The following CNR2 variants were observed in gnomAD, a reference collection of about 807,000 sequenced individuals.
The protein encoded by CNR2 is cannabinoid receptor 2 (macrophage).
For missense variants in CNR2, 379 were observed against 439.9 expected (o/e 0.86, Z 1.24); for synonymous variants, 172 against 182.2 (o/e 0.94, Z 0.45).
intron 1 of CNR2, among the ~76,000 whole-genome samples, chr1:23,879,611 TCAAACA>T (rs1026520503): frequency 1.3e-5 from 2 of 152,024 alleles, no homozygotes; most frequent in African/African-American, 4.8e-5. Context: ...AGACCTTGTT[TCAAACA>T]AAAACAAAAA....
chr1:23,895,599 C>T (rs1203337026), intron 1 of CNR2, among the ~76,000 whole-genome samples: 3 of 152,092 alleles, frequency 2.0e-5, no homozygotes, highest in Non-Finnish European at 4.4e-5. Flanking sequence ...CTCCAAATCC[C>T]GGGTTCAAGA....
intron 1 of CNR2, among the ~76,000 whole-genome samples, chr1:23,883,655 T>A (rs1306094923): frequency 6.6e-6 from 1 of 152,088 alleles, no homozygotes; most frequent in Non-Finnish European, 1.5e-5. Context: ...TGAAACCCTG[T>A]CTCTACTAAA....
At position 23,875,431 on chromosome 1, in the gene CNR2, G is replaced by A. The variant is rs769611593; in HGVS notation, c.187C>T (p.Gln63Ter). The part of the protein sequence containing the change: ...AVLYLILSSH[Q>*]LRRKPSYLFI... Reference sequence around the variant, plus strand: ...AGGTATGAGGGCTTCCGGCGGAGTTGGTGGGAGGACAGGATCAGATAGAGC... The same window carrying A: ...AGGTATGAGGGCTTCCGGCGGAGTTAGTGGGAGGACAGGATCAGATAGAGC... The change falls in exon 2 of 2, where the codon CAA (glutamine) becomes TAA (stop). Residue 63 changes from glutamine to a stop codon, truncating the protein, a stop_gained. Coordinates refer to ENST00000374472, the MANE Select transcript of CNR2 (RefSeq NM_001841.3). LOFTEE classifies it high-confidence loss of function. The A allele has an allele frequency of 6.7e-5, 108 of 1,614,108 alleles. No individual in the cohort carries two copies. The highest frequency in any genetic ancestry group is 1.6e-4 in the Middle Eastern group (1 of 6,084).
intron 1 of CNR2, 89 bp from the exon 2 acceptor site, chr1:23,875,751 C>A: frequency 9.6e-7 from 1 of 1,045,828 alleles, no homozygotes; most frequent in South Asian, 1.6e-5. Flanking sequence ...AAAACTGCTA[C>A]CTGTATGGAT....
rs1640413321 is a variant in CNR2 at position 23,902,258 on chromosome 1, C to T, written c.-46+10988G>A. The T allele has an allele frequency of 1.9e-5, 26 of 1,388,778 alleles. No homozygotes were observed. In the South Asian group the frequency reaches 3.4e-4, roughly 18 times the overall value. 86.0% of individuals were successfully genotyped at this position (1,388,778 alleles called of 1,614,324 possible). On this transcript the variant is annotated intron_variant, in intron 1 of 1. Coordinates refer to ENST00000374472, the MANE Select transcript of CNR2 (RefSeq NM_001841.3). ...TGATCTCCAACGTCTGCCGGTCCAT[C>T]TCACAGAAGCCTTGGGACCGCAGGG... is the stretch of plus-strand genomic sequence containing the variant.
At chr1:23,903,863 C>A (rs1207810030) in intron 1 of CNR2, among the ~76,000 whole-genome samples, 1 of 152,186 alleles carries the variant, frequency 6.6e-6, no homozygotes, top group African/African-American at 2.4e-5. Context: ...GATGCAGTGA[C>A]TTGTCTGAGG....
chr1:23,902,429 T>A, intron 1 of CNR2: 1 of 1,589,990 alleles, frequency 6.3e-7, no homozygotes, highest in Non-Finnish European at 8.6e-7. Flanking sequence ...TTGCCAATGC[T>A]GGGACGATGT....
intron 1 of CNR2, among the ~76,000 whole-genome samples, chr1:23,897,450 A>C (rs1388127768): frequency 6.6e-6 from 1 of 151,266 alleles, no homozygotes; most frequent in Admixed American, 6.6e-5. Context: ...GAACTTAAAA[A>C]AAATTAATAA....
chr1:23,901,853 C>T (rs1640405367), intron 1 of CNR2: 36 of 1,609,308 alleles, frequency 2.2e-5, no homozygotes, highest in Non-Finnish European at 3.1e-5. Context: ...AAACTGGATG[C>T]TGTCGCAGCG....
chr1:23,871,167 A>G lies in CNR2; in HGVS notation c.*3368T>C, dbSNP rs908419109. On this transcript the variant is annotated 3_prime_UTR_variant, in exon 2 of 2. Coordinates refer to ENST00000374472, the MANE Select transcript of CNR2 (RefSeq NM_001841.3). ...GAGATTCTATGTCAAAAAAAAAAAA[A>G]AAAAAAAAAAAAGCAGAAATACAGT... 6.6e-6 allele frequency: 1 copy of G among 151,266 alleles called. No homozygotes were observed. Among genetic ancestry groups the G allele is most frequent in the Non-Finnish European group, 1.5e-5 (1 of 67,852 alleles). The allele number at this position is 151,266 out of a possible 1,614,324, so 9.4% of individuals were successfully genotyped here.
intron 1 of CNR2, among the ~76,000 whole-genome samples, chr1:23,903,346 G>A (rs1018076494): frequency 5.3e-5 from 8 of 152,116 alleles, no homozygotes; most frequent in African/African-American, 1.9e-4. Flanking sequence ...AGGCTGAGGT[G>A]GGAGGAGCGG....
chr1:23,882,317 A>G (rs1570705090), intron 1 of CNR2, among the ~76,000 whole-genome samples: 1 of 152,162 alleles, frequency 6.6e-6, no homozygotes, highest in East Asian at 1.9e-4. Flanking sequence ...ATGTTCCTCA[A>G]ACCTATGATG....
At chr1:23,911,911 A>C (rs547329551) in intron 1 of CNR2, among the ~76,000 whole-genome samples, 1 of 152,220 alleles carries the variant, frequency 6.6e-6, no homozygotes, top group South Asian at 2.1e-4. Context: ...CCCAGCCTCC[A>C]TCCTGGTTTT....
chr1:23,912,821 C>T (rs1038947708), intron 1 of CNR2, among the ~76,000 whole-genome samples: 1 of 152,204 alleles, frequency 6.6e-6, no homozygotes, highest in African/African-American at 2.4e-5. Context: ...TCCCCTGCCC[C>T]AGACAGGCCC....
intron 1 of CNR2, among the ~76,000 whole-genome samples, chr1:23,877,767 C>G (rs905190691): frequency 6.6e-6 from 1 of 151,896 alleles, no homozygotes; most frequent in African/African-American, 2.4e-5. Context: ...TCAAGACTAG[C>G]CTGGCTAACA....
At position 23,871,154 on chromosome 1, in the gene CNR2, C is replaced by CAAAAAAA. The variant is rs34781596; in HGVS notation, c.*3374_*3380dup. ...TGGGTGACAGAGTGAGATTCTATGT[C>CAAAAAAA]AAAAAAAAAAAAAAAAAAAAAAAAA... is the stretch of plus-strand genomic sequence containing the variant. On this transcript the variant is annotated 3_prime_UTR_variant, in exon 2 of 2. Transcript: ENST00000374472. 1 of 58,770 alleles carries CAAAAAAA rather than the reference C, an allele frequency of 1.7e-5. No homozygotes were observed. Among genetic ancestry groups the CAAAAAAA allele is most frequent in the African/African-American group, 6.8e-5 (1 of 14,670 alleles). The allele number at this position is 58,770 out of a possible 1,614,324, so 3.6% of individuals were successfully genotyped here.
At chr1:23,894,783 A>T (rs919584614) in intron 1 of CNR2, among the ~76,000 whole-genome samples, 1 of 152,036 alleles carries the variant, frequency 6.6e-6, no homozygotes, top group Non-Finnish European at 1.5e-5. Flanking sequence ...AAAAGAAAGA[A>T]AGAAAGAAAA....
At position 23,873,654 on chromosome 1, in the gene CNR2, A is replaced by G. The variant is rs1639805405; in HGVS notation, c.*881T>C. The G allele has an allele frequency of 1.3e-5, 2 of 152,180 alleles. No individual in the cohort carries two copies. The highest frequency in any genetic ancestry group is 4.8e-5 in the African/African-American group (2 of 41,448). 9.4% of individuals were successfully genotyped at this position (152,180 alleles called of 1,614,324 possible). A position where few individuals can be genotyped will look rare whatever the true frequency, so the allele number is the denominator to read the frequency against. On this transcript the variant is annotated 3_prime_UTR_variant, in exon 2 of 2. Coordinates refer to ENST00000374472, the MANE Select transcript of CNR2 (RefSeq NM_001841.3). ...CCTCCTCCCACTTGCTCTGCTTATT[A>G]TATGTAATAGGGGTGTGGAGGAGGC... is the stretch of plus-strand genomic sequence containing the variant.
rs141481878 is a variant in CNR2, at chr1:23,875,410, A to G, written c.208T>C (p.Tyr70His). The change falls in exon 2 of 2, where the codon TAC (tyrosine) becomes CAC (histidine). Residue 70 changes from tyrosine (Y) to histidine (H), a missense_variant. Physicochemically the swap from Tyr to His is moderately conservative, Grantham distance 83. Transcript: ENST00000374472. ...SSHQLRRKPSYLFIGSLAGAD... is the reference protein window; with the variant it reads ...SSHQLRRKPSHLFIGSLAGAD... ...CCAGCCAAGCTGCCAATGAACAGGT[A>G]TGAGGGCTTCCGGCGGAGTTGGTGG... The G allele has an allele frequency of 8.6e-5, 139 of 1,614,140 alleles. No individual in the cohort carries two copies. Among genetic ancestry groups the G allele is most frequent in the Non-Finnish European group, 1.1e-4 (132 of 1,180,052 alleles).
Sources: allele counts gnomAD v4.1 joint callset (sites outside exome capture counted in the v4.1 genomes callset), GRCh38; gene constraint gnomAD v4.1.1; transcripts MANE v1.5; gene names NCBI Gene and HGNC (gene_info 2026-07-23, HGNC 2026-07-21).